AACS: variants seen among roughly 807,000 people sequenced by gnomAD.
AACS encodes acetoacetyl-CoA synthetase.
Under a neutral mutation model 83.1 loss-of-function variants are expected in AACS, and 69 were observed. The observed-to-expected ratio is 0.83, with a 90% CI of 0.68 to 1.01. The LOEUF is 1.01. Ranked by LOEUF, AACS falls within the 50% of genes least tolerant of loss-of-function variation. AACS has a pLI of 0.00. For synonymous variants in AACS, 333 were observed against 343.4 expected (o/e 0.97, Z 0.33); for missense variants, 866 against 882.2 (o/e 0.98, Z 0.23).
At chr12:125,136,345 C>A (rs960858422) in intron 16 of AACS, among the ~76,000 whole-genome samples, 1 of 152,216 alleles carries the variant, frequency 6.6e-6, no homozygotes, top group Admixed American at 6.5e-5. Context: ...CCACCATGCC[C>A]GGCCCTCTTT....
chr12:125,102,490 A>G, intron 5 of AACS, 189 bp from the exon 6 acceptor site: 2 of 569,550 alleles, frequency 3.5e-6, no homozygotes, highest in Non-Finnish European at 6.4e-6. Context: ...TTTTAGAGAC[A>G]GGGTCTCACT....
chr12:125,092,826 G>T (rs1047952947), intron 5 of AACS: 2 of 152,562 alleles, frequency 1.3e-5, no homozygotes, highest in Admixed American at 1.3e-4. Context: ...GGGTCTGGAG[G>T]GGTGGAGTTC....
rs1413454451 is a variant in AACS at position 125,089,876 on chromosome 12, A to G, written c.473-1550A>G. On this transcript the variant is annotated intron_variant, in intron 4 of 17. Coordinates refer to ENST00000316519, the MANE Select transcript of AACS (RefSeq NM_023928.5). ...ATCCATCCATCCATCCTGTCTATAC[A>G]TTCTTCTCTCCATCTACCCATTTAC... Among the ~76,000 whole-genome samples, 6 of 141,888 alleles carry G rather than the reference A, an allele frequency of 4.2e-5. No homozygotes were observed. In the East Asian group the frequency reaches 8.7e-4, roughly 21 times the overall value. The allele number at this position is 141,888 out of a possible 152,430, so 93.1% of individuals were successfully genotyped here. A position where few individuals can be genotyped will look rare whatever the true frequency, so the allele number is the denominator to read the frequency against.
chr12:125,133,978 C>T (rs2136137951), intron 14 of AACS, 25 bp from the exon 15 acceptor site: 1 of 1,613,544 alleles, frequency 6.2e-7, no homozygotes, highest in Non-Finnish European at 8.5e-7. Flanking sequence ...CTCGGGATGA[C>T]CGGGCACCTC....
chr12:125,131,086 T>TA (rs759368842), intron 14 of AACS, among the ~76,000 whole-genome samples: 34 of 152,210 alleles, frequency 2.2e-4, no homozygotes, highest in Non-Finnish European at 4.4e-4. Flanking sequence ...TGGACGTCGT[T>TA]ACCTTAAAAA....
At chr12:125,107,437 G>A (rs919118483) in intron 8 of AACS, among the ~76,000 whole-genome samples, 169 bp downstream of exon 8, 3 of 152,228 alleles carry the variant, frequency 2.0e-5, no homozygotes, top group Admixed American at 2.0e-4. Flanking sequence ...CCGGCACTGG[G>A]CCCAGGGCAG....
intron 17 of AACS, among the ~76,000 whole-genome samples, chr12:125,137,816 T>C (rs946237001): frequency 3.3e-5 from 5 of 152,158 alleles, no homozygotes; most frequent in Admixed American, 6.5e-5. Context: ...GCCTATGGAA[T>C]GGCTATTCGT....
rs1479823619 is a variant in AACS at position 125,086,421 on chromosome 12, G to T, written c.450G>T (p.Val150=). The change falls in exon 4 of 18, where the codon GTG becomes GTT. Residue 150 remains valine, a synonymous_variant. Transcript: ENST00000316519. ...CAGCAGCAATGAGGAAAATGGGTGT[G>T]AAGAAAGGAGATCGGGTTGTTGGTA... The part of the protein sequence containing the change: ...LFAAAMRKMG[V]KKGDRVVGYL... 1.9e-6 allele frequency: 3 copies of T among 1,614,070 alleles called. No homozygotes were observed. Among genetic ancestry groups the T allele is most frequent in the East Asian group, 2.2e-5 (1 of 44,890 alleles).
Position 125,114,542 on chromosome 12 carries a change from C to T in AACS, c.981C>T (p.Leu327=). Residue 327 remains leucine, a synonymous_variant, in exon 9 of 18, where the codon CTC becomes CTT. Transcript: ENST00000316519. ...GCAACATGACCAGCAGTGACATCCT[C>T]CTGTGCTACACCACGGTAAGGGCTT... ...LHGNMTSSDI[L]LCYTTVGWMM... 6.2e-7 allele frequency: 1 copy of T among 1,612,462 alleles called. No homozygotes were observed. The highest frequency in any genetic ancestry group is 1.3e-5 in the African/African-American group (1 of 74,996).
Position 125,097,933 on chromosome 12 carries a change from C to A in AACS, c.571-4746C>A, listed in dbSNP as rs1344131287. On this transcript the variant is annotated intron_variant, in intron 5 of 17. Coordinates refer to ENST00000316519, the MANE Select transcript of AACS (RefSeq NM_023928.5). The surrounding 1 kb of genome is among the most constrained non-coding windows in gnomAD (Gnocchi z 4.3). ...GAGCGGTTCCTCGGTTCCTCTGTGA[C>A]CCCGGCTAGGCACTGCCATCTCTCA... 2.6e-5 allele frequency among the ~76,000 whole-genome samples: 4 copies of A among 152,228 alleles called. No homozygotes were observed. The highest frequency in any genetic ancestry group is 4.4e-5 in the Non-Finnish European group (3 of 68,048).
intron 10 of AACS, chr12:125,120,259 T>A (rs1957130925): frequency 6.6e-6 from 1 of 152,172 alleles, no homozygotes; most frequent in South Asian, 2.1e-4. Flanking sequence ...CTGGCCACTG[T>A]GGTCTTGGTC....
intron 14 of AACS, 40 bp from the exon 15 acceptor site, chr12:125,133,963 T>G (rs753265377): frequency 2.0e-5 from 33 of 1,610,090 alleles, no homozygotes; most frequent in Non-Finnish European, 2.3e-5. Flanking sequence ...TCATGGCCCC[T>G]TCTCCTCGGG....
At chr12:125,122,950 CTGAA>C (rs1287218330) in intron 10 of AACS, 4 of 152,244 alleles carry the variant, frequency 2.6e-5, no homozygotes, top group Admixed American at 2.6e-4. Flanking sequence ...CTTCCAAGAG[CTGAA>C]TGGTGTTGCA....
At chr12:125,072,211 G>A (rs560277621) in intron 1 of AACS, among the ~76,000 whole-genome samples, 34 of 151,304 alleles carry the variant, frequency 2.2e-4, no homozygotes, top group African/African-American at 7.8e-4. Flanking sequence ...AGGCTGGAGT[G>A]CAGTGGTGGG....
intron 8 of AACS, among the ~76,000 whole-genome samples, chr12:125,107,877 T>G (rs890014057): frequency 2.0e-5 from 3 of 152,118 alleles, no homozygotes; most frequent in Non-Finnish European, 2.9e-5. Context: ...GTGGGACAAT[T>G]GCCTGAACCC....
In AACS at chr12:125,125,052, C is replaced by T. The variant is rs906115006; in HGVS notation, c.1309+28C>T. The T allele has an allele frequency of 5.0e-6, 8 of 1,612,636 alleles. No homozygotes were observed. The African/African-American group carries it at 9.3e-5, about 19-fold the overall frequency. ...ATGGCCCCGGTGGGGACAGTCCTTCCAGCCATCCCCGCCGGCCCCATAAGT... is the reference window on the plus strand; with the variant it reads ...ATGGCCCCGGTGGGGACAGTCCTTCTAGCCATCCCCGCCGGCCCCATAAGT... On this transcript the variant is annotated intron_variant, in intron 12 of 17. Coordinates refer to ENST00000316519, the MANE Select transcript of AACS (RefSeq NM_023928.5).
rs989468965 is a variant in AACS at position 125,143,140 on chromosome 12, T to C, written c.*911T>C. 3 of 152,258 alleles carry C rather than the reference T, an allele frequency of 2.0e-5. No homozygotes were observed. Among genetic ancestry groups the C allele is most frequent in the African/African-American group, 7.2e-5 (3 of 41,468 alleles). The allele number at this position is 152,258 out of a possible 1,614,324, so 9.4% of individuals were successfully genotyped here. On this transcript the variant is annotated 3_prime_UTR_variant, in exon 18 of 18. Coordinates refer to ENST00000316519, the MANE Select transcript of AACS (RefSeq NM_023928.5). The stretch of plus-strand genomic sequence containing the variant: ...TTTCCATAGCCAGGCAGTTGGTATG[T>C]ACAATTCAGTTCAGCGTATGAACTT...
rs559078198 is a variant in AACS, at chr12:125,096,600, G to A, written c.570+5077G>A. Among the ~76,000 whole-genome samples, 3 of 152,324 alleles carry A rather than the reference G, an allele frequency of 2.0e-5. No individual in the cohort carries two copies. The South Asian group carries it at 6.2e-4, about 32-fold the overall frequency. ...GGGATACCTTGTCCAGGGCCATGTGGCCAGGAAAGGGAGGAGTAAGGACCA... is the reference window on the plus strand; with the variant it reads ...GGGATACCTTGTCCAGGGCCATGTGACCAGGAAAGGGAGGAGTAAGGACCA... On this transcript the variant is annotated intron_variant, in intron 5 of 17. Coordinates refer to ENST00000316519, the MANE Select transcript of AACS (RefSeq NM_023928.5).
chr12:125,080,701 A>C lies in AACS; in HGVS notation c.358+4090A>C, dbSNP rs867815828. 4.8e-4 allele frequency among the ~76,000 whole-genome samples: 72 copies of C among 150,576 alleles called. 1 individual carries two copies. The highest frequency in any genetic ancestry group is 1.7e-3 in the African/African-American group (70 of 40,998). ...TTTTATTTATTATTATTAATTTTTT[A>C]TTTATTTTGAGACAGAGTCTAGCTC... On this transcript the variant is annotated intron_variant, in intron 3 of 17. Coordinates refer to ENST00000316519, the MANE Select transcript of AACS (RefSeq NM_023928.5).
Sources: gnomAD v4.1 joint callset for allele counts (sites outside exome capture counted in the v4.1 genomes callset) on GRCh38, gnomAD v4.1.1 for gene constraint, Gnocchi (gnomAD v3.1) non-coding constraint, MANE v1.5 for transcripts, NCBI Gene and HGNC (gene_info 2026-07-23, HGNC 2026-07-21) for gene names.